ASB5: variants seen among roughly 807,000 people sequenced by gnomAD.
ASB5 encodes ankyrin repeat and SOCS box protein 5.
ASB5 carries 45 observed loss-of-function variants against 42.1 expected under a neutral mutation model. The ratio of observed to expected loss-of-function variants is 1.07; its 90% CI spans 0.84 to 1.37. ASB5 has a LOEUF of 1.37. Ranked by LOEUF, ASB5 falls within the 40% of genes most tolerant of loss-of-function variation. The probability of loss-of-function intolerance (pLI) is 0.00; values close to 1 mark genes in which losing one functional copy is unlikely to be tolerated. For synonymous variants in ASB5, 147 were observed against 150.6 expected, an observed-to-expected ratio of 0.98 and a Z score of 0.18; for missense variants, 402 against 399.8, an observed-to-expected ratio of 1.01 and a Z score of -0.05.
intron 1 of ASB5, among the ~76,000 whole-genome samples, chr4:176,244,100 T>G (rs1402303099): frequency 2.6e-5 from 4 of 152,206 alleles, no homozygotes; most frequent in Non-Finnish European, 5.9e-5. Flanking sequence ...ATTTCTATGT[T>G]TCTTTGCTCA....
intron 5 of ASB5, among the ~76,000 whole-genome samples, chr4:176,219,185 CAT>C (rs1483505482): frequency 4.3e-5 from 5 of 115,948 alleles, no homozygotes; most frequent in East Asian, 2.4e-4. Context: ...ATTTGTATGA[CAT>C]ATAAATATAT....
intron 1 of ASB5, among the ~76,000 whole-genome samples, chr4:176,243,561 G>A (rs1276946192): frequency 6.6e-6 from 1 of 151,874 alleles, no homozygotes; most frequent in Non-Finnish European, 1.5e-5. Flanking sequence ...GGAGTGCGAT[G>A]GCACAATCTC....
intron 5 of ASB5, among the ~76,000 whole-genome samples, chr4:176,220,055 T>C (rs550311915): frequency 4.6e-5 from 7 of 152,158 alleles, no homozygotes; most frequent in Non-Finnish European, 8.8e-5. Flanking sequence ...CAAAAACTTA[T>C]AATGTTTTAA....
Position 176,221,442 on chromosome 4 carries a change from T to C in ASB5, c.535+8A>G. 5 of 1,612,110 alleles carry C rather than the reference T, an allele frequency of 3.1e-6. No individual in the cohort carries two copies. The highest frequency in any genetic ancestry group is 4.2e-6 in the Non-Finnish European group (5 of 1,179,308). On this transcript the variant is annotated splice_region_variant and intron_variant, in intron 4 of 6. Transcript: ENST00000296525. Reference sequence around the variant, plus strand: ...TTCCCTTGTCACTTAATCCCAGAACTAAGTTACCTTTACTGGCGGCCTCAT... The same window carrying C: ...TTCCCTTGTCACTTAATCCCAGAACCAAGTTACCTTTACTGGCGGCCTCAT...
At chr4:176,263,301 C>G (rs868013789) in intron 1 of ASB5, among the ~76,000 whole-genome samples, 1 of 152,046 alleles carries the variant, frequency 6.6e-6, no homozygotes, top group Non-Finnish European at 1.5e-5. Flanking sequence ...TCAGCTTTTC[C>G]TTTATAGTAA....
intron 1 of ASB5, among the ~76,000 whole-genome samples, chr4:176,229,622 C>T (rs761979974): frequency 3.9e-5 from 6 of 151,982 alleles, no homozygotes; most frequent in Non-Finnish European, 7.4e-5. Flanking sequence ...AGCTTTCTGT[C>T]CCCACTGCCA....
chr4:176,259,098 G>A (rs1261273524), intron 1 of ASB5, among the ~76,000 whole-genome samples: 1 of 152,068 alleles, frequency 6.6e-6, no homozygotes, highest in African/African-American at 2.4e-5. Context: ...GGGTGGGAGA[G>A]AGAGAGAAGG....
chr4:176,218,723 CATTTGT>C, intron 5 of ASB5, among the ~76,000 whole-genome samples: 1 of 9,298 alleles, frequency 1.1e-4, no homozygotes, highest in South Asian at 1.5e-3. Flanking sequence ...ATGATATATA[CATTTGT>C]ATGATATATA....
At chr4:176,242,501 G>A (rs768182128) in intron 1 of ASB5, among the ~76,000 whole-genome samples, 6 of 152,120 alleles carry the variant, frequency 3.9e-5, no homozygotes, top group African/African-American at 7.2e-5. Context: ...TTAGAAAATT[G>A]TCCATTTTGT....
At chr4:176,239,840 C>T (rs562284471) in intron 1 of ASB5, among the ~76,000 whole-genome samples, 165 of 152,184 alleles carry the variant, frequency 1.1e-3, no homozygotes, top group African/African-American at 3.2e-3. Flanking sequence ...CCTATCAATA[C>T]TTAATTCTTT....
intron 6 of ASB5, among the ~76,000 whole-genome samples, chr4:176,216,439 C>T (rs1752972629): frequency 6.6e-6 from 1 of 152,114 alleles, no homozygotes; most frequent in South Asian, 2.1e-4. Flanking sequence ...CAACCTCCGC[C>T]TCCCGGGTTC....
intron 1 of ASB5, among the ~76,000 whole-genome samples, chr4:176,267,043 C>T (rs979153377): frequency 6.6e-6 from 1 of 152,060 alleles, no homozygotes; most frequent in Non-Finnish European, 1.5e-5. Context: ...AAACTCTTTT[C>T]AACCCACAAA....
At chr4:176,237,278 T>C in intron 1 of ASB5, 4 of 985,744 alleles carry the variant, frequency 4.1e-6, no homozygotes, top group Non-Finnish European at 4.8e-6. Flanking sequence ...AGATTTGAAA[T>C]GGCTGCTATA....
intron 1 of ASB5, among the ~76,000 whole-genome samples, chr4:176,240,887 C>T (rs906684491): frequency 6.6e-6 from 1 of 152,138 alleles, no homozygotes; most frequent in African/African-American, 2.4e-5. Context: ...AAAAGAACAT[C>T]AGGATAAATA....
At chr4:176,219,660 C>T (rs1321968981) in intron 5 of ASB5, among the ~76,000 whole-genome samples, 1 of 138,840 alleles carries the variant, frequency 7.2e-6, no homozygotes, top group Non-Finnish European at 1.5e-5. Context: ...CTGTTACCTC[C>T]ACCTCCCGGG....
intron 1 of ASB5, among the ~76,000 whole-genome samples, chr4:176,245,638 G>A (rs1753896294): frequency 6.6e-6 from 1 of 152,112 alleles, no homozygotes; most frequent in Non-Finnish European, 1.5e-5. Context: ...CAAAGACTTG[G>A]AACCAACCCA....
intron 1 of ASB5, among the ~76,000 whole-genome samples, chr4:176,252,530 G>A (rs908155155): frequency 2.6e-5 from 4 of 152,202 alleles, no homozygotes; most frequent in African/African-American, 9.6e-5. Context: ...AAGTGAATCT[G>A]TCTTCATATG....
chr4:176,268,840 A>G, intron 1 of ASB5, 73 bp downstream of exon 1: 3 of 1,278,968 alleles, frequency 2.3e-6, no homozygotes, highest in Non-Finnish European at 3.1e-6. Context: ...CAGTCTAAAA[A>G]GAAAACATGT....
rs567716839 is a variant in ASB5 at position 176,224,085 on chromosome 4, A to G, written c.276+1177T>C. Among the ~76,000 whole-genome samples the G allele has an allele frequency of 5.1e-4, 78 of 152,262 alleles. 2 individuals are homozygous for G. The South Asian group carries it at 0.016, about 32-fold the overall frequency. ...CACCTCAAGTGCCAGCCTAGGATCCAGGTCTTGAGACCCAGGCAATGCTTT... is the reference window on the plus strand; with the variant it reads ...CACCTCAAGTGCCAGCCTAGGATCCGGGTCTTGAGACCCAGGCAATGCTTT... On this transcript the variant is annotated intron_variant, in intron 2 of 6. Transcript: ENST00000296525.
Sources: allele counts gnomAD v4.1 joint callset (sites outside exome capture counted in the v4.1 genomes callset), GRCh38; gene constraint gnomAD v4.1.1; transcripts MANE v1.5; gene names NCBI Gene and HGNC (gene_info 2026-07-23, HGNC 2026-07-21).